Variants in STARD9 observed in about 807,000 individuals in gnomAD.
STARD9 encodes the protein stAR-related lipid transfer protein 9.
A neutral mutation model predicts 399.8 loss-of-function variants in STARD9; 346 were observed. The ratio of observed to expected loss-of-function variants is 0.87; its 90% CI spans 0.79 to 0.95. The LOEUF (loss-of-function observed/expected upper bound fraction) is 0.95, where lower values mean the gene tolerates loss of function less well. Among genes scored for constraint, STARD9 ranks in the 40% least tolerant of loss-of-function variants. The pLI, the probability that STARD9 is intolerant of heterozygous loss-of-function variation, is 0.00. For missense variants in STARD9, 5,832 were observed against 5,667.5 expected (o/e 1.03, Z -0.93); for synonymous variants, 2,203 against 2,143.5 (o/e 1.03, Z -0.77).
chr15:42,661,364 A>G (rs1049201576), intron 10 of STARD9, 139 bp downstream of exon 10: 1 of 671,690 alleles, frequency 1.5e-6, no homozygotes, highest in Admixed American at 2.7e-5. Context: ...TGCTAGGTTA[A>G]GAAGTTATTT....
At position 42,687,771 on chromosome 15, in the gene STARD9, G is replaced by T; in HGVS notation, c.6193G>T (p.Glu2065Ter). The T allele has an allele frequency of 6.5e-7, 1 of 1,537,336 alleles. No homozygotes were observed. The highest frequency in any genetic ancestry group is 1.2e-5 in the South Asian group (1 of 84,044). Reference sequence around the variant, plus strand: ...GCTGGAAAATGGCATCTTAGAAATTGAATCTAAGCAGAATAAGCAGGTTCA... The same window carrying T: ...GCTGGAAAATGGCATCTTAGAAATTTAATCTAAGCAGAATAAGCAGGTTCA... ...MQLENGILEI[E>*]SKQNKQVHAS... Residue 2065 changes from glutamate to a stop codon, truncating the protein, a stop_gained, in exon 23 of 33, where the codon GAA becomes TAA. Coordinates refer to ENST00000290607, the MANE Select transcript of STARD9 (RefSeq NM_020759.3). LOFTEE classifies it high-confidence loss of function.
At chr15:42,718,578 T>C in intron 31 of STARD9, 64 bp downstream of exon 31, 1 of 1,489,458 alleles carries the variant, frequency 6.7e-7, no homozygotes, top group Non-Finnish European at 9.1e-7. Flanking sequence ...TGAGAAACAA[T>C]CTATGTGGGC....
At chr15:42,596,536 GC>G (rs1464436607) in intron 3 of STARD9, among the ~76,000 whole-genome samples, 1 of 152,168 alleles carries the variant, frequency 6.6e-6, no homozygotes, top group Non-Finnish European at 1.5e-5. Flanking sequence ...CAGTAGACAG[GC>G]ATGCACAGGC....
chr15:42,671,126 ATTTTTTTTTTT>A (rs34261486), intron 16 of STARD9: 6 of 96,046 alleles, frequency 6.2e-5, no homozygotes, highest in Non-Finnish European at 1.1e-4. Context: ...AGGATTGCTG[ATTTTTTTTTTT>A]TTTTTTTTTT....
At position 42,693,752 on chromosome 15, in the gene STARD9, T is replaced by C. The variant is rs1256357146; in HGVS notation, c.12174T>C (p.Asn4058=). Residue 4058 remains asparagine, a synonymous_variant, in exon 23 of 33, where the codon AAT becomes AAC. Coordinates refer to ENST00000290607, the MANE Select transcript of STARD9 (RefSeq NM_020759.3). ...EPSQWQSRTE[N]GGESSASPGE... is the part of the protein sequence containing the mutation. ...GTCAGTGGCAGAGCAGGACAGAAAA[T>C]GGAGGTGAGAGTTCAGCATCTCCAG... The C allele has an allele frequency of 7.8e-6, 12 of 1,536,404 alleles. 1 individual carries two copies. Among genetic ancestry groups the C allele is most frequent in the Middle Eastern group, 3.3e-4 (2 of 6,012 alleles).
At chr15:42,592,391 G>T (rs1311572136) in intron 3 of STARD9, among the ~76,000 whole-genome samples, 1 of 152,094 alleles carries the variant, frequency 6.6e-6, no homozygotes, top group African/African-American at 2.4e-5. Context: ...TACCTGTCTT[G>T]TCCATTACTC....
rs771278961 is a variant in STARD9 at position 42,717,998 on chromosome 15, G to A, written c.13581G>A (p.Ala4527=). The A allele has an allele frequency of 3.0e-5, 46 of 1,537,052 alleles. No homozygotes were observed. The highest frequency in any genetic ancestry group is 1.7e-4 in the Middle Eastern group (1 of 6,012). ...AGWNYQGEEQ[A]VQLYYKVFSP... is the part of the protein sequence containing the mutation. The stretch of plus-strand genomic sequence containing the variant: ...CCAGCTATCAGGGTGAGGAGCAGGC[G>A]GTGCAGCTTTACTACAAGGTGTTTT... The change falls in exon 30 of 33, where the codon GCG becomes GCA. Residue 4527 remains alanine (A), a synonymous_variant. Coordinates refer to ENST00000290607, the MANE Select transcript of STARD9 (RefSeq NM_020759.3).
chr15:42,603,461 A>G (rs1447591548), intron 3 of STARD9, among the ~76,000 whole-genome samples: 2 of 152,094 alleles, frequency 1.3e-5, no homozygotes, highest in Non-Finnish European at 2.9e-5. Flanking sequence ...GTGAAGAGGA[A>G]ACAATTTGTG....
rs547395841 is a variant in STARD9 at position 42,667,915 on chromosome 15, G to A, written c.1318-1243G>A. On this transcript the variant is annotated intron_variant, in intron 15 of 32. Transcript: ENST00000290607. ...AGTAAACCTCAAGACTAAATCACAC[G>A]TCTAGAAGTTTCTCTAAAAAATTCC... Among the ~76,000 whole-genome samples the A allele has an allele frequency of 2.6e-5, 4 of 152,292 alleles. No individual in the cohort carries two copies. In the South Asian group the frequency reaches 6.2e-4, roughly 24 times the overall value.
chr15:42,663,476 C>CTTA lies in STARD9; in HGVS notation c.1064_1065insTTA (p.Thr355_Ile356insTyr). 6.5e-7 allele frequency: 1 copy of CTTA among 1,537,332 alleles called. No homozygotes were observed. Among genetic ancestry groups the CTTA allele is most frequent in the Non-Finnish European group, 8.7e-7 (1 of 1,146,916 alleles). On this transcript the variant is annotated inframe_insertion, in exon 12 of 33. Transcript: ENST00000290607. ...GACAGCCTTGGAGGCAACTCTAAAA[C>CTTA]CATCATGGTTGCCAGTGAGTGGGAT...
chr15:42,642,173 T>C (rs116406869), intron 7 of STARD9, among the ~76,000 whole-genome samples: 1 of 152,172 alleles, frequency 6.6e-6, no homozygotes. Context: ...CTACAGAAAT[T>C]TATTGAGTAC....
intron 10 of STARD9, 119 bp downstream of exon 10, chr15:42,661,344 G>A: frequency 2.7e-6 from 2 of 748,248 alleles, no homozygotes; most frequent in Non-Finnish European, 4.4e-6. Context: ...AAAGAAATAA[G>A]CTCTTTGAAT....
chr15:42,664,092 A>G (rs2060043323), intron 13 of STARD9, among the ~76,000 whole-genome samples, 175 bp downstream of exon 13: 1 of 151,982 alleles, frequency 6.6e-6, no homozygotes, highest in South Asian at 2.1e-4. Flanking sequence ...TCCTATCTCT[A>G]CTGCCTTCAT....
intron 7 of STARD9, among the ~76,000 whole-genome samples, chr15:42,645,447 G>A (rs1445127053): frequency 6.6e-6 from 1 of 152,134 alleles, no homozygotes; most frequent in East Asian, 1.9e-4. Flanking sequence ...TTTTTTCTGA[G>A]CAGTAGTTCT....
chr15:42,701,976 G>A (rs2060973553), intron 26 of STARD9, among the ~76,000 whole-genome samples: 1 of 133,154 alleles, frequency 7.5e-6, no homozygotes, highest in African/African-American at 2.9e-5. Flanking sequence ...GCAGGTGACA[G>A]TGTGAGACTC....
At chr15:42,653,235 A>T (rs569302127) in intron 9 of STARD9, among the ~76,000 whole-genome samples, 1 of 152,346 alleles carries the variant, frequency 6.6e-6, no homozygotes, top group South Asian at 2.1e-4. Flanking sequence ...ATATTAGAAG[A>T]TTCACTTCCA....
rs374228144 is a variant in STARD9 at position 42,693,287 on chromosome 15, T to C, written c.11709T>C (p.Thr3903=). The change falls in exon 23 of 33, where the codon ACT becomes ACC. Residue 3903 remains threonine, a synonymous_variant. Transcript: ENST00000290607. ...ACAGGGCCTCCTCCCCAATCCTCAC[T>C]CTTAGTGCCAGCACCCAAGAGCCGG... is the stretch of plus-strand genomic sequence containing the variant. ...FVDRASSPIL[T]LSASTQEPGL... is the part of the protein sequence containing the mutation. 6.5e-7 allele frequency: 1 copy of C among 1,536,962 alleles called. No individual in the cohort carries two copies.
intron 26 of STARD9, among the ~76,000 whole-genome samples, chr15:42,714,013 T>A (rs974832114): frequency 1.3e-5 from 2 of 151,996 alleles, no homozygotes; most frequent in Non-Finnish European, 2.9e-5. Context: ...TTTTCTTTGA[T>A]CACTAATTTA....
intron 7 of STARD9, 55 bp from the exon 8 acceptor site, chr15:42,650,961 A>G (rs1335215341): frequency 2.0e-5 from 26 of 1,294,180 alleles, no homozygotes; most frequent in East Asian, 5.2e-5. Flanking sequence ...AGAAAAGGTT[A>G]AAGTTTACCA....
Sources: allele counts gnomAD v4.1 joint callset (sites outside exome capture counted in the v4.1 genomes callset), GRCh38; gene constraint gnomAD v4.1.1; transcripts MANE v1.5; gene names NCBI Gene and HGNC (gene_info 2026-07-23, HGNC 2026-07-21).